The following SPECC1 variants were observed in gnomAD, a reference collection of about 807,000 sequenced individuals.
SPECC1 encodes the protein sperm antigen with calponin homology and coiled-coil domains 1.
In SPECC1, 62 loss-of-function variants were observed where a neutral mutation model predicts 104.1. The observed-to-expected ratio is 0.60, with a 90% CI of 0.49 to 0.74. The LOEUF (loss-of-function observed/expected upper bound fraction) is 0.74. Among genes scored for constraint, SPECC1 ranks in the 30% least tolerant of loss-of-function variants. The probability of loss-of-function intolerance (pLI) is 0.00; values close to 1 mark genes in which losing one functional copy is unlikely to be tolerated. For missense variants in SPECC1, 1,306 were observed against 1,310.5 expected (o/e 1.00, Z 0.05); for synonymous variants, 513 against 501.6 (o/e 1.02, Z -0.30).
At chr17:20,174,618 A>T (rs1451841886) in intron 3 of SPECC1, among the ~76,000 whole-genome samples, 1 of 152,096 alleles carries the variant, frequency 6.6e-6, no homozygotes, top group African/African-American at 2.4e-5. Context: ...CCCCCCCATC[A>T]GTCTTGGAGG....
intron 1 of SPECC1, among the ~76,000 whole-genome samples, chr17:20,029,565 T>C (rs943233542): frequency 2.6e-5 from 4 of 152,194 alleles, no homozygotes; most frequent in African/African-American, 7.2e-5. Flanking sequence ...ATTTTCTTTG[T>C]GGATAGTTTC....
rs143736199 is a variant in SPECC1, at chr17:20,069,439, C to T, written c.-21-27192C>T. Among the ~76,000 whole-genome samples the T allele has an allele frequency of 9.1e-4, 138 of 152,240 alleles. 2 individuals are homozygous for T. The East Asian group carries it at 0.023, about 26-fold the overall frequency. On this transcript the variant is annotated intron_variant, in intron 1 of 14. Transcript: ENST00000395527. Reference sequence around the variant, plus strand: ...CTAAGAAAATACTGTCTAATATAGTCATGAAGTTTTACAGCTATATTTTCT... The same window carrying T: ...CTAAGAAAATACTGTCTAATATAGTTATGAAGTTTTACAGCTATATTTTCT...
intron 9 of SPECC1, among the ~76,000 whole-genome samples, chr17:20,249,776 A>G (rs990018731): frequency 7.2e-5 from 11 of 152,210 alleles, no homozygotes; most frequent in African/African-American, 2.4e-4. Context: ...GCACAGAGAA[A>G]AAGGATAGGA....
At chr17:20,233,208 G>A (rs931373847) in intron 7 of SPECC1, among the ~76,000 whole-genome samples, 2 of 152,164 alleles carry the variant, frequency 1.3e-5, no homozygotes, top group African/African-American at 4.8e-5. Flanking sequence ...ATTTTTAGGT[G>A]TCTCTCAAAT....
intron 3 of SPECC1, 115 bp downstream of exon 3, chr17:20,110,677 T>G: frequency 1.6e-6 from 2 of 1,247,454 alleles, no homozygotes; most frequent in Non-Finnish European, 2.1e-6. Context: ...CTTGACCACT[T>G]ACCCTGGGCC....
chr17:20,021,702 AT>A (rs1187795523), intron 1 of SPECC1, among the ~76,000 whole-genome samples: 37 of 139,276 alleles, frequency 2.7e-4, no homozygotes, highest in South Asian at 6.5e-4. Context: ...ATATATATAT[AT>A]TTTTTTGTAC....
intron 1 of SPECC1, among the ~76,000 whole-genome samples, chr17:20,048,898 G>GA (rs561128088): frequency 1.0e-3 from 141 of 141,316 alleles, no homozygotes; most frequent in Non-Finnish European, 1.2e-3. Context: ...TCTCAGAAAA[G>GA]AAAAAAAAAA....
intron 7 of SPECC1, 46 bp downstream of exon 7, chr17:20,232,451 T>C (rs377347386): frequency 1.3e-6 from 2 of 1,550,670 alleles, no homozygotes; most frequent in Non-Finnish European, 1.7e-6. Context: ...TCAATCACTA[T>C]GTATGGGGCT....
At position 20,195,851 on chromosome 17, in the gene SPECC1, T is replaced by C. The variant is rs145421801; in HGVS notation, c.284-8482T>C. The stretch of plus-strand genomic sequence containing the variant: ...ATTCTCATAAACTTTTTATAACCCT[T>C]TACAAGTTTTTGTTAAAGAGCAGGT... On this transcript the variant is annotated intron_variant, in intron 3 of 14. Coordinates refer to ENST00000395527, the MANE Select transcript of SPECC1 (RefSeq NM_001243439.2). Among the ~76,000 whole-genome samples the C allele has an allele frequency of 1.3e-4, 20 of 152,344 alleles. No homozygotes were observed. The East Asian group carries it at 3.7e-3, about 28-fold the overall frequency.
At chr17:20,093,720 GTTTTTGTTTTTTGT>G (rs1203917334) in intron 1 of SPECC1, among the ~76,000 whole-genome samples, 2 of 102,304 alleles carry the variant, frequency 2.0e-5, no homozygotes, top group Middle Eastern at 5.4e-3. Context: ...TTTTGTTTTT[GTTTTTGTTTTTTGT>G]TTTTTTTTTT....
intron 3 of SPECC1, among the ~76,000 whole-genome samples, chr17:20,130,892 T>C (rs2049584147): frequency 1.3e-5 from 2 of 152,242 alleles, no homozygotes; most frequent in African/African-American, 2.4e-5. Context: ...ATCTTTGATT[T>C]CTTTCATCAG....
At chr17:20,289,795 C>CT (rs1479834283) in intron 12 of SPECC1, among the ~76,000 whole-genome samples, 8 of 152,096 alleles carry the variant, frequency 5.3e-5, no homozygotes, top group Admixed American at 4.6e-4. Flanking sequence ...TTGTTCCACT[C>CT]TGAGATGAAA....
At chr17:20,212,259 G>A (rs540989363) in intron 4 of SPECC1, among the ~76,000 whole-genome samples, 67 of 152,266 alleles carry the variant, frequency 4.4e-4, no homozygotes, top group African/African-American at 1.3e-3. Flanking sequence ...TCACAACAGG[G>A]CTAAGAACCG....
chr17:20,056,958 A>G (rs2045987746), intron 1 of SPECC1, among the ~76,000 whole-genome samples: 1 of 152,128 alleles, frequency 6.6e-6, no homozygotes, highest in Non-Finnish European at 1.5e-5. Context: ...TTCTGTTTCC[A>G]TTGAAATAGA....
rs545407143 is a variant in SPECC1 at position 20,223,695 on chromosome 17, A to AAT, written c.1864-3717_1864-3716dup. Among the ~76,000 whole-genome samples the AAT allele has an allele frequency of 3.1e-3, 475 of 152,226 alleles. 1 individual carries two copies. The highest frequency in any genetic ancestry group is 4.6e-3 in the Admixed American group (71 of 15,288). ...CTCAAAAAAAAAAAAAAATTATTTCAATCTCTTTATTAAATATATCGAAAG... is the reference window on the plus strand; with the variant it reads ...CTCAAAAAAAAAAAAAAATTATTTCAATATCTCTTTATTAAATATATCGAAAG... On this transcript the variant is annotated intron_variant, in intron 4 of 14. Coordinates refer to ENST00000395527, the MANE Select transcript of SPECC1 (RefSeq NM_001243439.2).
intron 2 of SPECC1, among the ~76,000 whole-genome samples, chr17:20,108,245 A>C (rs1308787963): frequency 1.3e-5 from 2 of 152,106 alleles, no homozygotes; most frequent in Admixed American, 6.5e-5. Flanking sequence ...AAAAAAAAAA[A>C]ACCCAGAAGG....
At chr17:20,212,565 C>T (rs1025085828) in intron 4 of SPECC1, among the ~76,000 whole-genome samples, 3 of 152,124 alleles carry the variant, frequency 2.0e-5, no homozygotes, top group African/African-American at 7.2e-5. Context: ...GAGAACAGCA[C>T]AGGAAAGACC....
Position 20,190,984 on chromosome 17 carries a change from A to G in SPECC1, c.284-13349A>G, listed in dbSNP as rs541150067. 2.0e-5 allele frequency among the ~76,000 whole-genome samples: 3 copies of G among 152,206 alleles called. No homozygotes were observed. In the East Asian group the frequency reaches 5.8e-4, roughly 29 times the overall value. On this transcript the variant is annotated intron_variant, in intron 3 of 14. Transcript: ENST00000395527. ...GTAGTTTTGTCTTTTGCAGAATGTCATAGTTGGAATCATACTGTGTGTAGC... is the reference window on the plus strand; with the variant it reads ...GTAGTTTTGTCTTTTGCAGAATGTCGTAGTTGGAATCATACTGTGTGTAGC...
intron 7 of SPECC1, among the ~76,000 whole-genome samples, chr17:20,236,084 G>A (rs1421545340): frequency 6.6e-6 from 1 of 152,186 alleles, no homozygotes; most frequent in Non-Finnish European, 1.5e-5. Context: ...TGGAGGTATA[G>A]ATTCTTTAAG....
Sources: allele counts gnomAD v4.1 joint callset (sites outside exome capture counted in the v4.1 genomes callset), GRCh38; gene constraint gnomAD v4.1.1; transcripts MANE v1.5; gene names NCBI Gene and HGNC (gene_info 2026-07-23, HGNC 2026-07-21).